Variants in CARMIL1 observed in about 807,000 individuals in gnomAD.
CARMIL1 encodes F-actin-uncapping protein LRRC16A.
CARMIL1 carries 90 observed loss-of-function variants against 177.1 expected under a neutral mutation model. The observed-to-expected ratio is 0.51, with a 90% CI of 0.43 to 0.61. CARMIL1 has a LOEUF of 0.61. Ranked by LOEUF, CARMIL1 falls within the 20% of genes least tolerant of loss-of-function variation. The pLI, the probability that CARMIL1 is intolerant of heterozygous loss-of-function variation, is 0.00. For missense variants in CARMIL1, 1,380 were observed against 1,667.0 expected (o/e 0.83, Z 3.00); for synonymous variants, 577 against 606.2 (o/e 0.95, Z 0.71).
chr6:25,568,294 A>C (rs1298000449), intron 29 of CARMIL1, among the ~76,000 whole-genome samples: 1 of 152,238 alleles, frequency 6.6e-6, no homozygotes, highest in Non-Finnish European at 1.5e-5. Flanking sequence ...CAGATTTAAT[A>C]ATTAATAGAA....
At position 25,515,761 on chromosome 6, in the gene CARMIL1, G is replaced by A; in HGVS notation, c.1719G>A (p.Leu573=). The A allele has an allele frequency of 6.2e-7, 1 of 1,611,776 alleles. No individual in the cohort carries two copies. Among genetic ancestry groups the A allele is most frequent in the Non-Finnish European group, 8.5e-7 (1 of 1,179,108 alleles). The change falls in exon 21 of 37, where the codon CTG becomes CTA. Residue 573 remains leucine, a synonymous_variant. Coordinates refer to ENST00000329474, the MANE Select transcript of CARMIL1 (RefSeq NM_017640.6). The surrounding 1 kb of genome is among the most constrained non-coding windows in gnomAD (Gnocchi z 5.0). The part of the protein sequence containing the change: ...IINALGSNTS[L]TKVDISGNGM... ...ATGCCCTGGGAAGCAACACCTCCCT[G>A]ACCAAAGTGGACATTAGCGGCAACG...
chr6:25,420,408 C>T, intron 3 of CARMIL1: 2 of 465,284 alleles, frequency 4.3e-6, no homozygotes, highest in Non-Finnish European at 3.9e-6. Flanking sequence ...ATATTTTTTA[C>T]TCCTTTGTTC....
At chr6:25,426,689 A>G (rs964653949) in intron 4 of CARMIL1, 129 bp downstream of exon 4, 2 of 699,224 alleles carry the variant, frequency 2.9e-6, no homozygotes, top group Non-Finnish European at 4.7e-6. Context: ...GAGAGACTCA[A>G]CACTGGCTGT....
intron 8 of CARMIL1, among the ~76,000 whole-genome samples, chr6:25,463,800 TATTGAAAGA>T (rs1199116361): frequency 6.6e-6 from 1 of 150,434 alleles, no homozygotes; most frequent in East Asian, 1.9e-4. Flanking sequence ...ATAAAATAAC[TATTGAAAGA>T]GTTGTTCTCC....
At chr6:25,436,009 C>T (rs1252239306) in intron 5 of CARMIL1, among the ~76,000 whole-genome samples, 1 of 152,056 alleles carries the variant, frequency 6.6e-6, no homozygotes. Flanking sequence ...ATTTTCTTTG[C>T]TTTTTTATTT....
At chr6:25,355,629 G>A (rs188093359) in intron 2 of CARMIL1, among the ~76,000 whole-genome samples, 20 of 152,228 alleles carry the variant, frequency 1.3e-4, no homozygotes, top group Admixed American at 3.3e-4. Flanking sequence ...AGTTATGATC[G>A]CACCACTGCA....
At chr6:25,385,098 G>T (rs967995211) in intron 2 of CARMIL1, among the ~76,000 whole-genome samples, 1 of 152,180 alleles carries the variant, frequency 6.6e-6, no homozygotes, top group African/African-American at 2.4e-5. Flanking sequence ...AAAACAGATA[G>T]TAATGTGGTG....
Position 25,413,135 on chromosome 6 carries a change from C to G in CARMIL1, c.139-6979C>G, listed in dbSNP as rs1471028235. Among the ~76,000 whole-genome samples the G allele has an allele frequency of 6.6e-5, 9 of 135,962 alleles. No individual in the cohort carries two copies. The East Asian group carries it at 1.9e-3, about 28-fold the overall frequency. 89.2% of individuals were successfully genotyped at this position (135,962 alleles called of 152,430 possible). On this transcript the variant is annotated intron_variant, in intron 2 of 36. Transcript: ENST00000329474. The stretch of plus-strand genomic sequence containing the variant: ...TGGTGATAATGTGCCTCACCACCTG[C>G]CCTTCTCCCTCACCTAGGTATATGT...
At chr6:25,292,879 A>G (rs1020154499) in intron 2 of CARMIL1, among the ~76,000 whole-genome samples, 3 of 152,174 alleles carry the variant, frequency 2.0e-5, no homozygotes, top group Non-Finnish European at 4.4e-5. Flanking sequence ...AAATCTAATC[A>G]AAATATGGAA....
At chr6:25,596,689 T>G (rs964102871) in intron 32 of CARMIL1, among the ~76,000 whole-genome samples, 1 of 152,232 alleles carries the variant, frequency 6.6e-6, no homozygotes, top group Non-Finnish European at 1.5e-5. Flanking sequence ...TTTTGAATAT[T>G]TGTATTATAC....
At chr6:25,585,294 T>C (rs1813535961) in intron 31 of CARMIL1, among the ~76,000 whole-genome samples, 1 of 152,224 alleles carries the variant, frequency 6.6e-6, no homozygotes, top group Non-Finnish European at 1.5e-5. Flanking sequence ...CAATTATCGT[T>C]GTTTTTCTTC....
intron 20 of CARMIL1, among the ~76,000 whole-genome samples, chr6:25,513,237 T>C (rs1299571091): frequency 6.6e-6 from 1 of 152,236 alleles, no homozygotes; most frequent in Non-Finnish European, 1.5e-5. Flanking sequence ...TATTAAAGCA[T>C]ACTGTGTTTG....
At chr6:25,362,363 C>A (rs1272823484) in intron 2 of CARMIL1, among the ~76,000 whole-genome samples, 1 of 152,216 alleles carries the variant, frequency 6.6e-6, no homozygotes, top group South Asian at 2.1e-4. Flanking sequence ...TTATCGAAGA[C>A]CAGCTATGTA....
At chr6:25,427,391 T>C (rs1286256866) in intron 4 of CARMIL1, among the ~76,000 whole-genome samples, 1 of 152,182 alleles carries the variant, frequency 6.6e-6, no homozygotes, top group Non-Finnish European at 1.5e-5. Flanking sequence ...CTCAATAGTT[T>C]ATTCTTTTTG....
At position 25,610,687 on chromosome 6, in the gene CARMIL1, G is replaced by C. The variant is rs567240298; in HGVS notation, c.3979+506G>C. On this transcript the variant is annotated intron_variant, in intron 36 of 36. Transcript: ENST00000329474. ...CTCTCAGAAGTGTGGTGCAGACATG[G>C]ACATTCTCAGGGCGACCCTGCACCA... Among the ~76,000 whole-genome samples, 3 of 152,298 alleles carry C rather than the reference G, an allele frequency of 2.0e-5. No homozygotes were observed. The East Asian group carries it at 5.8e-4, about 29-fold the overall frequency.
At chr6:25,565,917 G>A (rs1811518623) in intron 29 of CARMIL1, among the ~76,000 whole-genome samples, 1 of 152,188 alleles carries the variant, frequency 6.6e-6, no homozygotes. Context: ...CCAATTAGCT[G>A]TTCAAAAAGT....
intron 3 of CARMIL1, among the ~76,000 whole-genome samples, chr6:25,422,080 A>G (rs1228008132): frequency 1.3e-5 from 2 of 152,186 alleles, no homozygotes; most frequent in East Asian, 3.9e-4. Flanking sequence ...TGGCTAGTCT[A>G]AAGATTCAAA....
intron 2 of CARMIL1, among the ~76,000 whole-genome samples, chr6:25,393,270 G>A (rs980634307): frequency 6.6e-6 from 1 of 151,978 alleles, no homozygotes; most frequent in African/African-American, 2.4e-5. Context: ...TAAAGATCAT[G>A]GTTAGGCCAG....
chr6:25,441,337 A>ATATATATGTG, intron 5 of CARMIL1, among the ~76,000 whole-genome samples: 3,049 of 94,436 alleles, frequency 0.032, 222 homozygotes, highest in East Asian at 0.24. Context: ...ATATATATAT[A>ATATATATGTG]TGTGTGTGTG....
Sources: allele counts gnomAD v4.1 joint callset (sites outside exome capture counted in the v4.1 genomes callset), GRCh38; gene constraint gnomAD v4.1.1; non-coding constraint Gnocchi (gnomAD v3.1); transcripts MANE v1.5; gene names NCBI Gene and HGNC (gene_info 2026-07-23, HGNC 2026-07-21).